Variants in APOB observed in about 807,000 individuals in gnomAD.
The protein encoded by APOB is apolipoprotein B-100.
In APOB, 153 loss-of-function variants were observed where a neutral mutation model predicts 314.1. The ratio of observed to expected loss-of-function variants is 0.49; its 90% CI spans 0.43 to 0.56. The LOEUF (loss-of-function observed/expected upper bound fraction) is 0.56. Among genes scored for constraint, APOB ranks in the 20% least tolerant of loss-of-function variants. APOB has a pLI of 0.00. For synonymous variants in APOB, 2,087 were observed against 2,036.4 expected (o/e 1.02, Z -0.67); for missense variants, 5,430 against 5,350.7 (o/e 1.01, Z -0.46).
At chr2:21,041,637 G>A (rs1046386731) in intron 3 of APOB, among the ~76,000 whole-genome samples, 13 of 152,188 alleles carry the variant, frequency 8.5e-5, no homozygotes, top group African/African-American at 3.1e-4. Flanking sequence ...TTCAATATGG[G>A]AGCCAGTAGC....
At position 21,011,444 on chromosome 2, in the gene APOB, G is replaced by A; in HGVS notation, c.5424C>T (p.Leu1808=). 1.2e-6 allele frequency: 2 copies of A among 1,614,132 alleles called. No homozygotes were observed. The highest frequency in any genetic ancestry group is 1.7e-6 in the Non-Finnish European group (2 of 1,180,022). ...CTAGCCGTAGTTTCCCATTGTTGGT[G>A]AGATCCAGAGCATTGTATTTCAGGT... The part of the protein sequence containing the change: ...NSDLKYNALD[L]TNNGKLRLEP... Residue 1808 remains leucine, a synonymous_variant, in exon 26 of 29, where the codon CTC becomes CTT. Transcript: ENST00000233242.
In APOB at chr2:21,010,325, A is replaced by T; in HGVS notation, c.6543T>A (p.Phe2181Leu). 1 of 1,556,286 alleles carries T rather than the reference A, an allele frequency of 6.4e-7. No homozygotes were observed. Among genetic ancestry groups the T allele is most frequent in the Non-Finnish European group, 8.7e-7 (1 of 1,152,064 alleles). The change falls in exon 26 of 29, where the codon TTT (phenylalanine) becomes TTA (leucine). Residue 2181 changes from phenylalanine to leucine, a missense_variant. Physicochemically the swap from Phe to Leu is conservative, Grantham distance 22 (BLOSUM62 0). Transcript: ENST00000233242. ...CATAACTATCTTTAATATACTGATC[A>T]AATTGTATCATATATGTCTGCAGTT... is the stretch of plus-strand genomic sequence containing the variant. ...LSQLQTYMIQFDQYIKDSYDL... is the reference protein window; with the variant it reads ...LSQLQTYMIQLDQYIKDSYDL...
chr2:21,027,357 G>T (rs956338946), intron 14 of APOB, among the ~76,000 whole-genome samples: 1 of 133,620 alleles, frequency 7.5e-6, no homozygotes, highest in African/African-American at 2.8e-5. Flanking sequence ...TGTCGCCCAG[G>T]CTGGAGCGCA....
At position 21,044,052 on chromosome 2, in the gene APOB, C is replaced by T. The variant is rs1198572804; in HGVS notation, c.-107G>A. The T allele has an allele frequency of 6.7e-6, 3 of 450,036 alleles. No homozygotes were observed. Among genetic ancestry groups the T allele is most frequent in the African/African-American group, 6.2e-5 (3 of 48,096 alleles). The allele number at this position is 450,036 out of a possible 1,614,324, so 27.9% of individuals were successfully genotyped here. A position where few individuals can be genotyped will look rare whatever the true frequency, so the allele number is the denominator to read the frequency against. ...GGCAGCAACCGAGAAGGGCACTCAG[C>T]CCCGCAGGTCCCGGTGGGAATGCGC... On this transcript the variant is annotated 5_prime_UTR_variant, in exon 1 of 29. Transcript: ENST00000233242.
chr2:21,011,038 G>T lies in APOB; in HGVS notation c.5830C>A (p.His1944Asn). 1.2e-6 allele frequency: 2 copies of T among 1,614,142 alleles called. No individual in the cohort carries two copies. Among genetic ancestry groups the T allele is most frequent in the Non-Finnish European group, 1.7e-6 (2 of 1,180,010 alleles). ...TGACTTGTGGAGCCTTTGTAATCAT[G>T]AGAGAAAGTAAATGCCAGAGGTTCT... is the stretch of plus-strand genomic sequence containing the variant. ...KAEPLAFTFSHDYKGSTSHHL... is the reference protein window; with the variant it reads ...KAEPLAFTFSNDYKGSTSHHL... Residue 1944 changes from histidine to asparagine, a missense_variant, in exon 26 of 29, where the codon CAT (histidine) becomes AAT (asparagine). Around this residue, in one of 3 missense-constraint regions of APOB, gnomAD observed 3,281 missense variants for 3,171.0 expected, o/e 1.03. Coordinates refer to ENST00000233242, the MANE Select transcript of APOB (RefSeq NM_000384.3).
rs886055566 is a variant in APOB, at chr2:21,001,523, G to T, written c.*207C>A. The T allele has an allele frequency of 2.0e-5, 11 of 538,898 alleles. No homozygotes were observed. Among genetic ancestry groups the T allele is most frequent in the Non-Finnish European group, 3.6e-5 (11 of 309,560 alleles). 33.4% of individuals were successfully genotyped at this position (538,898 alleles called of 1,614,324 possible). A position where few individuals can be genotyped will look rare whatever the true frequency, so the allele number is the denominator to read the frequency against. On this transcript the variant is annotated 3_prime_UTR_variant, in exon 29 of 29. Coordinates refer to ENST00000233242, the MANE Select transcript of APOB (RefSeq NM_000384.3). ...TGATTTTCTTTAACTTGCAAAAAAT[G>T]CCATCCTTCTGAGTTCAGAGACCTT... is the stretch of plus-strand genomic sequence containing the variant.
intron 26 of APOB, among the ~76,000 whole-genome samples, 188 bp downstream of exon 26, chr2:21,004,892 C>T (rs570633331): frequency 6.6e-6 from 1 of 152,282 alleles, no homozygotes; most frequent in African/African-American, 2.4e-5. Flanking sequence ...AGCTGTTTGT[C>T]TTGAATGACA....
intron 4 of APOB, 71 bp downstream of exon 4, chr2:21,040,867 G>A (rs778413707): frequency 9.0e-6 from 14 of 1,554,664 alleles, no homozygotes; most frequent in African/African-American, 1.4e-5. Context: ...ATCCGTGCCT[G>A]GTGCAAACAC....
At position 21,008,687 on chromosome 2, in the gene APOB, G is replaced by T. The variant is rs958169216; in HGVS notation, c.8181C>A (p.Asn2727Lys). 4 of 1,614,106 alleles carry T rather than the reference G, an allele frequency of 2.5e-6. No individual in the cohort carries two copies. The highest frequency in any genetic ancestry group is 3.4e-6 in the Non-Finnish European group (4 of 1,179,976). Residue 2727 changes from asparagine (N) to lysine (K), a missense_variant, in exon 26 of 29, where the codon AAC (asparagine) becomes AAA (lysine). Around this residue, in one of 3 missense-constraint regions of APOB, gnomAD observed 3,281 missense variants for 3,171.0 expected, o/e 1.03. Transcript: ENST00000233242. ...AIPEFIIPTL[N>K]LNDFQVPDLH... ...GGTCAGGAACTTGAAAATCATTAAG[G>T]TTGAGAGTTGGGATTATGAATTCTG...
intron 15 of APOB, among the ~76,000 whole-genome samples, chr2:21,025,828 G>A (rs1402656684): frequency 2.6e-5 from 4 of 152,188 alleles, no homozygotes; most frequent in Admixed American, 6.5e-5. Flanking sequence ...AGCATGAGAA[G>A]CTGTATTTCT....
chr2:21,034,789 A>G, intron 8 of APOB, 27 bp downstream of exon 8: 4 of 1,362,602 alleles, frequency 2.9e-6, no homozygotes, highest in Non-Finnish European at 3.2e-6. Flanking sequence ...TAGATTTTCC[A>G]GCAACTATGT....
rs367731815 is a variant in APOB, at chr2:21,032,589, G to A, written c.1125-8C>T. ...GCTTGTAAAGTGATGGGGCTGAGAAGAAAGACATGGATAAAGTTATACAGA... is the reference window on the plus strand; with the variant it reads ...GCTTGTAAAGTGATGGGGCTGAGAAAAAAGACATGGATAAAGTTATACAGA... On this transcript the variant is annotated splice_polypyrimidine_tract_variant and splice_region_variant and intron_variant, in intron 9 of 28. Coordinates refer to ENST00000233242, the MANE Select transcript of APOB (RefSeq NM_000384.3). 7.1e-5 allele frequency: 114 copies of A among 1,609,252 alleles called. No homozygotes were observed. Among genetic ancestry groups the A allele is most frequent in the Non-Finnish European group, 9.0e-5 (106 of 1,175,904 alleles).
chr2:21,015,912 A>G (rs1458942596), intron 21 of APOB, among the ~76,000 whole-genome samples: 2 of 152,024 alleles, frequency 1.3e-5, no homozygotes, highest in African/African-American at 4.8e-5. Flanking sequence ...TCTTTAAAGC[A>G]CCCAGCACTG....
At position 21,010,291 on chromosome 2, in the gene APOB, C is replaced by A; in HGVS notation, c.6577G>T (p.Asp2193Tyr). Residue 2193 changes from aspartate to tyrosine, a missense_variant, in exon 26 of 29, where the codon GAT becomes TAT. By Grantham distance (160) the Asp-to-Tyr change is radical (BLOSUM62 -3). This residue lies in a region of APOB where 3,281 missense variants were observed against 3,171.0 expected (regional missense o/e 1.03). Transcript: ENST00000233242. The stretch of plus-strand genomic sequence containing the variant: ...ATATTAGCAATAGCTATTTTCAAAT[C>A]ATGTAAATCATAACTATCTTTAATA... Reference protein sequence around the residue: ...QYIKDSYDLHDLKIAIANIID... With the variant: ...QYIKDSYDLHYLKIAIANIID... 1.9e-6 allele frequency: 3 copies of A among 1,547,062 alleles called. No individual in the cohort carries two copies. The highest frequency in any genetic ancestry group is 1.3e-5 in the South Asian group (1 of 79,400).
Position 21,007,319 on chromosome 2 carries a change from C to G in APOB, c.9549G>C (p.Arg3183Ser). ...CAGCCAAAGGATTTGTGATGGAATGCCTGTGTTTGTTTTTCTTATACTGAG... is the reference window on the plus strand; with the variant it reads ...CAGCCAAAGGATTTGTGATGGAATGGCTGTGTTTGTTTTTCTTATACTGAG... ...VKAQYKKNKH[R>S]HSITNPLAVL... Residue 3183 changes from arginine to serine, a missense_variant, in exon 26 of 29, where the codon AGG becomes AGC. Around this residue, in one of 3 missense-constraint regions of APOB, gnomAD observed 3,281 missense variants for 3,171.0 expected, o/e 1.03. Transcript: ENST00000233242. 1 of 1,613,782 alleles carries G rather than the reference C, an allele frequency of 6.2e-7. No individual in the cohort carries two copies. Among genetic ancestry groups the G allele is most frequent in the Non-Finnish European group, 8.5e-7 (1 of 1,179,918 alleles).
At position 21,006,948 on chromosome 2, in the gene APOB, A is replaced by G; in HGVS notation, c.9920T>C (p.Leu3307Pro). The G allele has an allele frequency of 6.2e-7, 1 of 1,614,084 alleles. No individual in the cohort carries two copies. The highest frequency in any genetic ancestry group is 8.5e-7 in the Non-Finnish European group (1 of 1,179,958). ...LILPSLELPVLHVPRNLKLSL... is the reference protein window; with the variant it reads ...LILPSLELPVPHVPRNLKLSL... ...AAGCTTGAGATTTCTAGGGACATGA[A>G]GGACTGGCAGCTCTAATGATGGCAG... is the stretch of plus-strand genomic sequence containing the variant. Residue 3307 changes from leucine to proline, a missense_variant, in exon 26 of 29, where the codon CTT becomes CCT. Leu to Pro is a moderately conservative substitution (Grantham distance 98). Coordinates refer to ENST00000233242, the MANE Select transcript of APOB (RefSeq NM_000384.3).
intron 20 of APOB, 120 bp downstream of exon 20, chr2:21,018,872 C>T (rs12720828): frequency 0.16 from 228,808 of 1,461,458 alleles, 19,797 homozygotes; most frequent in Non-Finnish European, 0.17. Flanking sequence ...ATAGGCCTGC[C>T]GCTTAGTGGG....
intron 3 of APOB, 57 bp from the exon 4 acceptor site, chr2:21,041,140 C>A: frequency 6.3e-7 from 1 of 1,575,544 alleles, no homozygotes; most frequent in South Asian, 1.1e-5. Context: ...AGAGGTGGCC[C>A]CTGAAGCCCA....
At position 21,032,365 on chromosome 2, in the gene APOB, G is replaced by A. The variant is rs370418745; in HGVS notation, c.1341C>T (p.His447=). Reference sequence around the variant, plus strand: ...GTGTGGAAACTCACTTGTTGACCGCGTGGCTCAGCGCATACAAGGTGGCTC... The same window carrying A: ...GTGTGGAAACTCACTTGTTGACCGCATGGCTCAGCGCATACAAGGTGGCTC... The part of the protein sequence containing the change: ...RSRATLYALS[H]AVNNYHKTNP... The change falls in exon 10 of 29, where the codon CAC becomes CAT. Residue 447 remains histidine, a synonymous_variant. Coordinates refer to ENST00000233242, the MANE Select transcript of APOB (RefSeq NM_000384.3). 37 of 1,613,148 alleles carry A rather than the reference G, an allele frequency of 2.3e-5. No individual in the cohort carries two copies. In the African/African-American group the frequency reaches 3.7e-4, roughly 16 times the overall value.
Sources: allele counts gnomAD v4.1 joint callset (sites outside exome capture counted in the v4.1 genomes callset), GRCh38; gene constraint gnomAD v4.1.1; regional missense constraint gnomAD v4.1.1; transcripts MANE v1.5; gene names NCBI Gene and HGNC (gene_info 2026-07-23, HGNC 2026-07-21).